The following RAPGEF5 variants were observed in gnomAD, a reference collection of about 807,000 sequenced individuals.
The protein encoded by RAPGEF5 is Rap guanine nucleotide exchange factor 5.
A neutral mutation model predicts 125.2 loss-of-function variants in RAPGEF5; 65 were observed. The ratio of observed to expected loss-of-function variants is 0.52; its 90% confidence interval spans 0.43 to 0.64. RAPGEF5 has a LOEUF of 0.64. Ranked by LOEUF, RAPGEF5 falls within the 30% of genes least tolerant of loss-of-function variation. RAPGEF5 has a pLI of 0.00. For missense variants in RAPGEF5, 958 were observed against 1,048.1 expected (o/e 0.91, Z 1.19); for synonymous variants, 391 against 385.9 (o/e 1.01, Z -0.16).
At chr7:22,261,655 A>G (rs1782158555) in intron 7 of RAPGEF5, among the ~76,000 whole-genome samples, 2 of 152,148 alleles carry the variant, frequency 1.3e-5, no homozygotes, top group South Asian at 4.2e-4. Flanking sequence ...TTAATCCTAT[A>G]AAAATGGATT....
chr7:22,219,987 C>A lies in RAPGEF5; in HGVS notation c.875G>T (p.Gly292Val). ...EAESVPDSQA[G>V]VMCKLQERDE... ...TCTTTCCTGGAGCTTGCACATCACCCCTGCCTTAAGAGTTGGAGAAAAAGC... is the reference window on the plus strand; with the variant it reads ...TCTTTCCTGGAGCTTGCACATCACCACTGCCTTAAGAGTTGGAGAAAAAGC... Residue 292 changes from glycine (G) to valine (V), a missense_variant, in exon 9 of 26, where the codon GGG (glycine) becomes GTG (valine). Transcript: ENST00000665637. 6 of 1,613,422 alleles carry A rather than the reference C, an allele frequency of 3.7e-6. No individual in the cohort carries two copies. Among genetic ancestry groups the A allele is most frequent in the Non-Finnish European group, 5.1e-6 (6 of 1,179,584 alleles).
intron 6 of RAPGEF5, among the ~76,000 whole-genome samples, chr7:22,273,852 T>C (rs535546553): frequency 1.3e-5 from 2 of 152,286 alleles, no homozygotes; most frequent in African/African-American, 4.8e-5. Context: ...ACACAAAAAA[T>C]GGACTCCAGA....
chr7:22,245,212 C>A (rs1328256945), intron 7 of RAPGEF5, among the ~76,000 whole-genome samples: 1 of 152,156 alleles, frequency 6.6e-6, no homozygotes, highest in East Asian at 1.9e-4. Context: ...TGGCTATTAA[C>A]ACCTTATCAA....
At chr7:22,240,209 CAA>C (rs35460153) in intron 7 of RAPGEF5, among the ~76,000 whole-genome samples, 1,314 of 78,890 alleles carry the variant, frequency 0.017, 12 homozygotes, top group African/African-American at 0.036. Context: ...GACTCCACCT[CAA>C]AAAAAAAAAA....
intron 9 of RAPGEF5, among the ~76,000 whole-genome samples, chr7:22,216,885 C>T (rs983932277): frequency 7.9e-5 from 12 of 152,184 alleles, no homozygotes; most frequent in African/African-American, 2.9e-4. Flanking sequence ...CATTTATAAT[C>T]ACAGCATTTA....
At chr7:22,315,219 A>C (rs996464138) in intron 3 of RAPGEF5, 151 bp downstream of exon 3, 11 of 851,808 alleles carry the variant, frequency 1.3e-5, no homozygotes, top group Non-Finnish European at 1.6e-5. Context: ...AAGTTTAATG[A>C]AAAGTCACCA....
At chr7:22,337,108 G>T (rs1784041187) in intron 1 of RAPGEF5, among the ~76,000 whole-genome samples, 1 of 152,150 alleles carries the variant, frequency 6.6e-6, no homozygotes, top group African/African-American at 2.4e-5. Flanking sequence ...TGGCTAAATG[G>T]GAGACTAGAA....
intron 8 of RAPGEF5, among the ~76,000 whole-genome samples, chr7:22,220,585 C>G (rs994579709): frequency 3.3e-5 from 5 of 151,866 alleles, no homozygotes; most frequent in African/African-American, 1.2e-4. Context: ...AAATAAGACA[C>G]TGGAAAAAGA....
intron 4 of RAPGEF5, among the ~76,000 whole-genome samples, 151 bp from the exon 5 acceptor site, chr7:22,308,658 C>A (rs1161305649): frequency 6.6e-6 from 1 of 152,036 alleles, no homozygotes; most frequent in South Asian, 2.1e-4. Context: ...TGTTTATAAT[C>A]CCATTGAATT....
intron 8 of RAPGEF5, among the ~76,000 whole-genome samples, chr7:22,221,559 G>T (rs1035081712): frequency 6.6e-6 from 1 of 152,168 alleles, no homozygotes; most frequent in Non-Finnish European, 1.5e-5. Flanking sequence ...GGAGGAACCA[G>T]GTAGAGGTAA....
intron 21 of RAPGEF5, among the ~76,000 whole-genome samples, chr7:22,139,352 G>C (rs1783180873): frequency 6.6e-6 from 1 of 152,162 alleles, no homozygotes; most frequent in South Asian, 2.1e-4. Flanking sequence ...GAGAGCGAAG[G>C]AAACAAAAGC....
At chr7:22,214,686 C>T (rs1785592314) in intron 9 of RAPGEF5, among the ~76,000 whole-genome samples, 1 of 151,842 alleles carries the variant, frequency 6.6e-6, no homozygotes, top group Non-Finnish European at 1.5e-5. Flanking sequence ...GCATTCCCGC[C>T]CCCCAACCCC....
chr7:22,148,477 G>A (rs1783516090), intron 18 of RAPGEF5, among the ~76,000 whole-genome samples: 1 of 152,196 alleles, frequency 6.6e-6, no homozygotes, highest in South Asian at 2.1e-4. Context: ...TAATCTATGT[G>A]AAAGTGATAG....
At chr7:22,277,693 G>A (rs1782589029) in intron 6 of RAPGEF5, among the ~76,000 whole-genome samples, 1 of 152,110 alleles carries the variant, frequency 6.6e-6, no homozygotes, top group Non-Finnish European at 1.5e-5. Flanking sequence ...ATAGCTCCTA[G>A]GGCCCTCTTT....
rs561198963 is a variant in RAPGEF5, at chr7:22,133,846, G to T, written c.2416+2192C>A. On this transcript the variant is annotated intron_variant, in intron 23 of 25. Coordinates refer to ENST00000665637, the MANE Select transcript of RAPGEF5 (RefSeq NM_012294.5). The stretch of plus-strand genomic sequence containing the variant: ...CAGTAAGGGGAAAGTACATCAAAAG[G>T]CAAGAAATTCAAATAAGAAAGAGGA... 2.6e-4 allele frequency among the ~76,000 whole-genome samples: 39 copies of T among 152,278 alleles called. 1 individual carries two copies. The South Asian group carries it at 7.9e-3, about 31-fold the overall frequency.
intron 7 of RAPGEF5, among the ~76,000 whole-genome samples, chr7:22,263,242 G>A (rs868387555): frequency 1.3e-5 from 2 of 152,124 alleles, no homozygotes; most frequent in South Asian, 4.1e-4. Context: ...TGTTCTGGTT[G>A]TGATACCATA....
chr7:22,190,706 C>A (rs1328848593), intron 11 of RAPGEF5, among the ~76,000 whole-genome samples: 1 of 152,198 alleles, frequency 6.6e-6, no homozygotes, highest in African/African-American at 2.4e-5. Flanking sequence ...GGGTCCTGCA[C>A]CTACATTTTC....
At chr7:22,202,356 G>A (rs1293242397) in intron 9 of RAPGEF5, among the ~76,000 whole-genome samples, 2 of 152,192 alleles carry the variant, frequency 1.3e-5, no homozygotes, top group Admixed American at 1.3e-4. Flanking sequence ...GAGAGGACAT[G>A]GGTTACAGGG....
At chr7:22,125,780 T>C in intron 24 of RAPGEF5, 122 bp from the exon 25 acceptor site, 1 of 892,216 alleles carries the variant, frequency 1.1e-6, no homozygotes, top group South Asian at 1.4e-5. Flanking sequence ...AGAAGAACTG[T>C]ATTTGGAGCT....
Sources: allele counts gnomAD v4.1 joint callset (sites outside exome capture counted in the v4.1 genomes callset), GRCh38; gene constraint gnomAD v4.1.1; transcripts MANE v1.5; gene names NCBI Gene and HGNC (gene_info 2026-07-23, HGNC 2026-07-21).